Variants in SLC14A2 observed in about 807,000 individuals in gnomAD.
SLC14A2 encodes the protein urea transporter 2.
Under a neutral mutation model 104.6 loss-of-function variants are expected in SLC14A2, and 91 were observed. The ratio of observed to expected loss-of-function variants is 0.87; its 90% CI spans 0.73 to 1.04. SLC14A2 has a LOEUF of 1.04. Among genes scored for constraint, SLC14A2 ranks in the 50% least tolerant of loss-of-function variants. The pLI, the probability that SLC14A2 is intolerant of heterozygous loss-of-function variation, is 0.00. For missense variants in SLC14A2, 1,189 were observed against 1,156.0 expected (o/e 1.03, Z -0.41); for synonymous variants, 476 against 466.4 (o/e 1.02, Z -0.27).
intron 2 of SLC14A2, chr18:45,549,880 G>C (rs1193485196): frequency 1.3e-5 from 2 of 152,100 alleles, no homozygotes; most frequent in Non-Finnish European, 2.9e-5. Flanking sequence ...ACAAGACTGA[G>C]GCCTAAAGGA....
At chr18:45,389,320 A>G (rs1305554930) in intron 1 of SLC14A2, among the ~76,000 whole-genome samples, 1 of 152,248 alleles carries the variant, frequency 6.6e-6, no homozygotes, top group Non-Finnish European at 1.5e-5. Flanking sequence ...TCTCATAAAT[A>G]TGGACTACAG....
chr18:45,544,360 A>T (rs892996575), intron 2 of SLC14A2, among the ~76,000 whole-genome samples: 16 of 152,210 alleles, frequency 1.1e-4, no homozygotes. Flanking sequence ...GTGTATATAC[A>T]GTACTAGTAA....
chr18:45,597,175 A>G (rs1447370726), intron 2 of SLC14A2, among the ~76,000 whole-genome samples: 1 of 152,140 alleles, frequency 6.6e-6, no homozygotes, highest in Non-Finnish European at 1.5e-5. Context: ...AAAAATACAA[A>G]AATTAGCCAG....
At chr18:45,462,695 G>A (rs2144644516) in intron 1 of SLC14A2, among the ~76,000 whole-genome samples, 1 of 152,314 alleles carries the variant, frequency 6.6e-6, no homozygotes, top group Non-Finnish European at 1.5e-5. Flanking sequence ...GAGCAGCTTT[G>A]GAAACAGGCG....
intron 1 of SLC14A2, among the ~76,000 whole-genome samples, chr18:45,327,753 T>C (rs1180271575): frequency 6.6e-6 from 1 of 152,228 alleles, no homozygotes; most frequent in Admixed American, 6.5e-5. Flanking sequence ...TGTTTATGTA[T>C]GTATCCATTG....
intron 1 of SLC14A2, among the ~76,000 whole-genome samples, chr18:45,264,115 A>T (rs1401004102): frequency 6.6e-6 from 1 of 152,222 alleles, no homozygotes; most frequent in Non-Finnish European, 1.5e-5. Context: ...TATGAATCAA[A>T]TGTGTCAGAT....
At chr18:45,207,361 G>A in the SLC14A2 span, among the ~76,000 whole-genome samples, 1 of 146,958 alleles carries the variant, frequency 6.8e-6, no homozygotes, top group Non-Finnish European at 1.5e-5. Context: ...AAAGGGAGAG[G>A]GAGGGGAAAA....
At chr18:45,195,742 G>A in the SLC14A2 span, among the ~76,000 whole-genome samples, 7 of 152,254 alleles carry the variant, frequency 4.6e-5, no homozygotes, top group Middle Eastern at 3.4e-3. Flanking sequence ...CTATATCAGA[G>A]TCGTGAATTC....
At chr18:45,644,469 G>A (rs1391769353) in intron 10 of SLC14A2, 1 of 249,650 alleles carries the variant, frequency 4.0e-6, no homozygotes, top group African/African-American at 2.2e-5. Context: ...TTTTGGAAAG[G>A]TAATTAACAG....
the SLC14A2 span, among the ~76,000 whole-genome samples, chr18:45,181,813 A>G: frequency 4.6e-5 from 7 of 152,120 alleles, no homozygotes; most frequent in Non-Finnish European, 1.0e-4. Context: ...ACTTTAATAT[A>G]TCTGTGCGAC....
intron 1 of SLC14A2, among the ~76,000 whole-genome samples, chr18:45,389,487 A>AAG (rs1325966579): frequency 9.1e-4 from 138 of 152,292 alleles, no homozygotes; most frequent in Non-Finnish European, 1.7e-3. Context: ...CCATTCTTGC[A>AAG]GTATAAAAAG....
intron 10 of SLC14A2, among the ~76,000 whole-genome samples, chr18:45,644,789 A>T (rs1297813383): frequency 6.6e-6 from 1 of 152,236 alleles, no homozygotes. Flanking sequence ...TTAGAATCCT[A>T]TATATGACTT....
intron 2 of SLC14A2, among the ~76,000 whole-genome samples, chr18:45,544,681 T>C (rs1178533377): frequency 1.3e-5 from 2 of 151,834 alleles, no homozygotes; most frequent in African/African-American, 4.8e-5. Context: ...TATCCATAAA[T>C]AGCTTTTATA....
chr18:45,637,034 A>G lies in SLC14A2; in HGVS notation c.695A>G (p.Asp232Gly). 1 of 1,613,796 alleles carries G rather than the reference A, an allele frequency of 6.2e-7. No homozygotes were observed. The highest frequency in any genetic ancestry group is 8.5e-7 in the Non-Finnish European group (1 of 1,179,968). Residue 232 changes from aspartate (D) to glycine (G), a missense_variant, in exon 6 of 20, where the codon GAC (aspartate) becomes GGC (glycine). Asp to Gly is a moderately conservative substitution (Grantham distance 94). Coordinates refer to ENST00000255226, the MANE Select transcript of SLC14A2 (RefSeq NM_007163.4). ...TTGAATTCCATCTTCAGCAAGTGGG[A>G]CCTCCCGGTCTTCACTCTGCCCTTC... ...SALNSIFSKW[D>G]LPVFTLPFNI...
intron 2 of SLC14A2, among the ~76,000 whole-genome samples, chr18:45,566,383 T>C (rs545013192): frequency 6.6e-6 from 1 of 152,266 alleles, no homozygotes; most frequent in East Asian, 1.9e-4. Flanking sequence ...TAGGGAGAAT[T>C]CTCCCATAAG....
At chr18:45,509,921 G>C (rs995847196) in intron 2 of SLC14A2, among the ~76,000 whole-genome samples, 1 of 152,172 alleles carries the variant, frequency 6.6e-6, no homozygotes, top group Admixed American at 6.5e-5. Flanking sequence ...AGAGACCTTG[G>C]AGAGGATCCC....
At chr18:45,396,947 T>C (rs2086040371) in intron 1 of SLC14A2, among the ~76,000 whole-genome samples, 1 of 152,224 alleles carries the variant, frequency 6.6e-6, no homozygotes, top group Non-Finnish European at 1.5e-5. Context: ...CTTAGTTTGC[T>C]AAATGTATTA....
At chr18:45,628,000 CAAAAA>C (rs58009345) in intron 4 of SLC14A2, among the ~76,000 whole-genome samples, 10 of 83,638 alleles carry the variant, frequency 1.2e-4, no homozygotes, top group Non-Finnish European at 2.0e-4. Flanking sequence ...AAGACTTTCT[CAAAAA>C]AAAAAAAAAA....
chr18:45,172,701 A>C, the SLC14A2 span, among the ~76,000 whole-genome samples: 4 of 152,144 alleles, frequency 2.6e-5, no homozygotes, highest in African/African-American at 9.7e-5. Context: ...TTCTGAAGTC[A>C]TGTCTGATGA....
Sources: gnomAD v4.1 joint callset for allele counts (sites outside exome capture counted in the v4.1 genomes callset) on GRCh38, gnomAD v4.1.1 for gene constraint, MANE v1.5 for transcripts, NCBI Gene and HGNC (gene_info 2026-07-23, HGNC 2026-07-21) for gene names.